IL1RAP: variants seen among roughly 807,000 people sequenced by gnomAD.
IL1RAP encodes the protein interleukin 1 receptor accessory protein.
Under a neutral mutation model 60.7 loss-of-function variants are expected in IL1RAP, and 35 were observed. The ratio of observed to expected loss-of-function variants is 0.58; its 90% CI spans 0.44 to 0.76. The LOEUF is 0.76. Among genes scored for constraint, IL1RAP ranks in the 30% least tolerant of loss-of-function variants. IL1RAP has a pLI of 0.00. For missense variants in IL1RAP, 572 were observed against 693.9 expected (o/e 0.82, Z 1.97); for synonymous variants, 268 against 250.9 (o/e 1.07, Z -0.64).
intron 1 of IL1RAP, among the ~76,000 whole-genome samples, chr3:190,551,826 T>C (rs1238945994): frequency 1.3e-5 from 2 of 152,150 alleles, no homozygotes; most frequent in Non-Finnish European, 2.9e-5. Context: ...AGAAACACAA[T>C]TGACAAAGTT....
In IL1RAP at chr3:190,627,319, T is replaced by C. The variant is rs768886757; in HGVS notation, c.776-4T>C. 1.4e-5 allele frequency: 21 copies of C among 1,503,762 alleles called. No individual in the cohort carries two copies. The highest frequency in any genetic ancestry group is 2.2e-5 in the Admixed American group (1 of 45,046). The allele number at this position is 1,503,762 out of a possible 1,614,324, so 93.2% of individuals were successfully genotyped here. A position where few individuals can be genotyped will look rare whatever the true frequency, so the allele number is the denominator to read the frequency against. On this transcript the variant is annotated splice_polypyrimidine_tract_variant and splice_region_variant and intron_variant, in intron 7 of 11. Coordinates refer to ENST00000447382, the MANE Select transcript of IL1RAP (RefSeq NM_002182.4). ...TTTTTTGTTTTTTTGGTTTTTTTTTTCAGGAGAGGAGCTACTCATTCCCTG... is the reference window on the plus strand; with the variant it reads ...TTTTTTGTTTTTTTGGTTTTTTTTTCCAGGAGAGGAGCTACTCATTCCCTG...
intron 4 of IL1RAP, among the ~76,000 whole-genome samples, chr3:190,607,795 C>G (rs9875206): frequency 0.079 from 12,066 of 152,180 alleles, 940 homozygotes; most frequent in African/African-American, 0.2. Flanking sequence ...GATTGTACCA[C>G]AGGTTTCTTG....
rs908201617 is a variant in IL1RAP at position 190,637,985 on chromosome 3, GTTTTGTTTTGT to G, written c.1052-6249_1052-6239del. 4.6e-5 allele frequency among the ~76,000 whole-genome samples: 7 copies of G among 151,934 alleles called. No homozygotes were observed. The South Asian group carries it at 1.5e-3, about 32-fold the overall frequency. ...TTCTCCTTTTGTTTGCCATGGAGTG[GTTTTGTTTTGT>G]TTTTGTTTTGTTTAAGAATGCAGAA... On this transcript the variant is annotated intron_variant, in intron 9 of 11. Coordinates refer to ENST00000447382, the MANE Select transcript of IL1RAP (RefSeq NM_002182.4).
chr3:190,564,659 T>C (rs1171184024), intron 3 of IL1RAP: 1 of 311,452 alleles, frequency 3.2e-6, no homozygotes, highest in East Asian at 5.7e-5. Flanking sequence ...TCAGGTCCTA[T>C]GGGGGAAAAA....
At chr3:190,564,221 T>C in intron 2 of IL1RAP, 68 bp from the exon 3 acceptor site, 1 of 957,408 alleles carries the variant, frequency 1.0e-6, no homozygotes, top group Admixed American at 1.7e-5. Flanking sequence ...GCATGAATGC[T>C]AGTTATTATT....
chr3:190,514,695 C>T (rs1003642290), intron 1 of IL1RAP, among the ~76,000 whole-genome samples: 14 of 152,200 alleles, frequency 9.2e-5, no homozygotes, highest in South Asian at 4.1e-4. Context: ...CTTGCAGCCT[C>T]ACTCCCTCTT....
At chr3:190,605,668 A>C (rs888469477) in intron 4 of IL1RAP, among the ~76,000 whole-genome samples, 1 of 152,028 alleles carries the variant, frequency 6.6e-6, no homozygotes, top group Non-Finnish European at 1.5e-5. Context: ...TTCATTCTTG[A>C]TGCCTCTCTC....
chr3:190,598,332 C>G lies in IL1RAP; in HGVS notation c.65-5796C>G, dbSNP rs1161312258. Among the ~76,000 whole-genome samples the G allele has an allele frequency of 2.0e-5, 3 of 151,220 alleles. No individual in the cohort carries two copies. In the South Asian group the frequency reaches 6.2e-4, roughly 31 times the overall value. On this transcript the variant is annotated intron_variant, in intron 3 of 11. Coordinates refer to ENST00000447382, the MANE Select transcript of IL1RAP (RefSeq NM_002182.4). ...AACTGTTTTCTTCCTCTTTTTTTTT[C>G]TATATACTTTATCATTCAAAGTGAA...
downstream of IL1RAP, among the ~76,000 whole-genome samples, chr3:190,654,931 C>T (rs183187385): frequency 1.3e-4 from 20 of 152,254 alleles, no homozygotes; most frequent in Admixed American, 3.3e-4. Flanking sequence ...ACTTTGATAC[C>T]ATTAGAATCG....
intron 1 of IL1RAP, among the ~76,000 whole-genome samples, chr3:190,553,780 G>A (rs1725109672): frequency 6.6e-6 from 1 of 152,138 alleles, no homozygotes; most frequent in African/African-American, 2.4e-5. Flanking sequence ...AGAGGGAAAG[G>A]CCGGGCGCGG....
intron 3 of IL1RAP, among the ~76,000 whole-genome samples, chr3:190,567,978 G>A (rs2108638138): frequency 1.3e-5 from 2 of 152,232 alleles, no homozygotes; most frequent in South Asian, 2.1e-4. Context: ...GCTGCCTTTG[G>A]AGTAGACATA....
At chr3:190,644,107 C>G in intron 9 of IL1RAP, 141 bp from the exon 10 acceptor site, 1 of 1,419,414 alleles carries the variant, frequency 7.0e-7, no homozygotes, top group Non-Finnish European at 9.2e-7. Flanking sequence ...TAGTGCTAAA[C>G]TCTACAATGT....
At chr3:190,531,205 T>G (rs893495158) in intron 1 of IL1RAP, among the ~76,000 whole-genome samples, 1 of 152,120 alleles carries the variant, frequency 6.6e-6, no homozygotes, top group South Asian at 2.1e-4. Context: ...GAGTCTGGAC[T>G]GTGCCACCGT....
chr3:190,658,452 C>T (rs1734684576), exon 12 of IL1RAP: 1 of 152,174 alleles, frequency 6.6e-6, no homozygotes, highest in East Asian at 1.9e-4. Flanking sequence ...GCTGATCTGA[C>T]CTAACCCTCC....
intron 1 of IL1RAP, among the ~76,000 whole-genome samples, chr3:190,517,523 A>G (rs986542422): frequency 1.3e-5 from 2 of 152,130 alleles, no homozygotes; most frequent in African/African-American, 4.8e-5. Flanking sequence ...GTGGAAAGTG[A>G]TGGCTGGAGG....
At chr3:190,653,565 GAA>G (rs201568842), downstream of IL1RAP, among the ~76,000 whole-genome samples, 4 of 144,880 alleles carry the variant, frequency 2.8e-5, no homozygotes, top group African/African-American at 1.0e-4. Flanking sequence ...ATCCAGAGGA[GAA>G]AAAAAAAAAT....
chr3:190,654,656 A>G (rs1390971586), downstream of IL1RAP, among the ~76,000 whole-genome samples: 4 of 152,186 alleles, frequency 2.6e-5, no homozygotes, highest in Non-Finnish European at 4.4e-5. Context: ...TTCCCTGTCA[A>G]GTTCACAATG....
In IL1RAP at chr3:190,594,534, G is replaced by A. The variant is rs9862285; in HGVS notation, c.65-9594G>A. On this transcript the variant is annotated intron_variant, in intron 3 of 11. Coordinates refer to ENST00000447382, the MANE Select transcript of IL1RAP (RefSeq NM_002182.4). ...GAACATGCCAGTGTCTCTCAAGGAA[G>A]ATTTCTGGGATCTACCATATGACAA... is the stretch of plus-strand genomic sequence containing the variant. 5.4e-3 allele frequency among the ~76,000 whole-genome samples: 817 copies of A among 152,318 alleles called. 9 individuals carry two copies. The highest frequency in any genetic ancestry group is 0.018 in the African/African-American group (757 of 41,566).
intron 2 of IL1RAP, chr3:190,563,912 T>G: frequency 7.4e-6 from 1 of 134,946 alleles, no homozygotes; most frequent in South Asian, 2.4e-4. Context: ...AGTAGGCAGT[T>G]ATAGTTCAGT....
Sources: allele counts gnomAD v4.1 joint callset (sites outside exome capture counted in the v4.1 genomes callset), GRCh38; gene constraint gnomAD v4.1.1; transcripts MANE v1.5; gene names NCBI Gene and HGNC (gene_info 2026-07-23, HGNC 2026-07-21).